The following CMTM8 variants were observed in gnomAD, a reference collection of about 807,000 sequenced individuals.
CMTM8 encodes CKLF like MARVEL transmembrane domain containing 8.
A neutral mutation model predicts 18.6 loss-of-function variants in CMTM8; 12 were observed. The ratio of observed to expected loss-of-function variants is 0.65; its 90% CI spans 0.41 to 1.05. CMTM8 has a LOEUF of 1.05. Ranked by LOEUF, CMTM8 falls within the 50% of genes least tolerant of loss-of-function variation. CMTM8 has a pLI of 0.00. For synonymous variants in CMTM8, 87 were observed against 90.6 expected (o/e 0.96, Z 0.23); for missense variants, 217 against 227.2 (o/e 0.95, Z 0.29).
chr3:32,342,937 G>A (rs1353629935), intron 1 of CMTM8, among the ~76,000 whole-genome samples: 1 of 152,196 alleles, frequency 6.6e-6, no homozygotes, highest in Non-Finnish European at 1.5e-5. Flanking sequence ...CTGAAGCTCA[G>A]GTTAGTAACT....
intron 1 of CMTM8, among the ~76,000 whole-genome samples, chr3:32,313,447 C>T (rs958847564): frequency 2.6e-5 from 4 of 152,124 alleles, no homozygotes; most frequent in Non-Finnish European, 4.4e-5. Context: ...GAACTACAGG[C>T]TCATGCCACT....
intron 1 of CMTM8, among the ~76,000 whole-genome samples, chr3:32,349,963 G>T (rs757328728): frequency 2.0e-5 from 3 of 152,014 alleles, no homozygotes; most frequent in Non-Finnish European, 2.9e-5. Context: ...AGCCAAGATC[G>T]CAGCACTGTA....
intron 1 of CMTM8, among the ~76,000 whole-genome samples, chr3:32,307,923 G>T (rs1265450687): frequency 2.0e-5 from 3 of 152,224 alleles, no homozygotes; most frequent in Non-Finnish European, 4.4e-5. Context: ...CATGTTCAAG[G>T]AGTGGGCAAA....
chr3:32,326,416 C>G (rs1696156990), intron 1 of CMTM8, among the ~76,000 whole-genome samples: 1 of 152,122 alleles, frequency 6.6e-6, no homozygotes, highest in South Asian at 2.1e-4. Flanking sequence ...AACTCTATGG[C>G]CTTTTACCCT....
chr3:32,322,010 A>G lies in CMTM8; in HGVS notation c.148-35363A>G, dbSNP rs2125578066. Among the ~76,000 whole-genome samples the G allele has an allele frequency of 2.0e-5, 3 of 152,344 alleles. No homozygotes were observed. The South Asian group carries it at 6.2e-4, about 32-fold the overall frequency. The stretch of plus-strand genomic sequence containing the variant: ...GTTAGCGCCACTGTCTGTCCTGTGA[A>G]GCCTAAACCGTTCATTATCTGGCCC... On this transcript the variant is annotated intron_variant, in intron 1 of 3. Coordinates refer to ENST00000307526, the MANE Select transcript of CMTM8 (RefSeq NM_178868.5).
chr3:32,320,132 G>T (rs529923001), intron 1 of CMTM8, among the ~76,000 whole-genome samples: 3 of 152,244 alleles, frequency 2.0e-5, no homozygotes, highest in Admixed American at 6.5e-5. Context: ...AGCGTATTTG[G>T]TTTAAGAGAA....
intron 1 of CMTM8, among the ~76,000 whole-genome samples, chr3:32,289,357 T>C (rs549796157): frequency 1.4e-3 from 212 of 152,330 alleles, no homozygotes; most frequent in African/African-American, 4.9e-3. Flanking sequence ...TGAACTCTGC[T>C]GTATACTCTA....
intron 1 of CMTM8, among the ~76,000 whole-genome samples, chr3:32,276,216 T>C (rs1466209331): frequency 6.6e-6 from 1 of 152,126 alleles, no homozygotes; most frequent in South Asian, 2.1e-4. Context: ...TCCTTCTCCT[T>C]CTGTTGTTCA....
At chr3:32,272,226 C>A (rs925906426) in intron 1 of CMTM8, among the ~76,000 whole-genome samples, 4 of 152,040 alleles carry the variant, frequency 2.6e-5, no homozygotes, top group Non-Finnish European at 5.9e-5. Context: ...TTAAATTTAG[C>A]TACTTTAGCT....
intron 1 of CMTM8, among the ~76,000 whole-genome samples, chr3:32,339,523 T>C (rs115261809): frequency 0.01 from 1,537 of 152,208 alleles, 27 homozygotes; most frequent in African/African-American, 0.036. Context: ...AAGGGCCAGC[T>C]CTCCATTCCC....
chr3:32,282,346 C>T (rs1208983407), intron 1 of CMTM8, among the ~76,000 whole-genome samples: 2 of 151,924 alleles, frequency 1.3e-5, no homozygotes, highest in African/African-American at 4.8e-5. Flanking sequence ...ATATATGTAC[C>T]ATATTTGGAT....
At chr3:32,344,398 T>C (rs947277374) in intron 1 of CMTM8, among the ~76,000 whole-genome samples, 1 of 152,224 alleles carries the variant, frequency 6.6e-6, no homozygotes, top group South Asian at 2.1e-4. Context: ...AGCCAACTTA[T>C]GTCCTATAGC....
chr3:32,298,852 T>TAC (rs1229919377), intron 1 of CMTM8, among the ~76,000 whole-genome samples: 224 of 140,072 alleles, frequency 1.6e-3, no homozygotes, highest in African/African-American at 5.3e-3. Context: ...TGTGTGTATA[T>TAC]ACACACACAC....
chr3:32,313,413 C>G (rs1010254223), intron 1 of CMTM8, among the ~76,000 whole-genome samples: 17 of 152,078 alleles, frequency 1.1e-4, no homozygotes, highest in African/African-American at 3.9e-4. Flanking sequence ...TAGCAGGCTC[C>G]CACCTCAGCC....
chr3:32,268,345 C>G (rs1373286355), intron 1 of CMTM8, among the ~76,000 whole-genome samples: 1 of 151,954 alleles, frequency 6.6e-6, no homozygotes, highest in Non-Finnish European at 1.5e-5. Flanking sequence ...CTCGCAAGGA[C>G]AAAAAACCAA....
intron 1 of CMTM8, among the ~76,000 whole-genome samples, chr3:32,262,540 G>A (rs1445363941): frequency 6.6e-6 from 1 of 152,146 alleles, no homozygotes; most frequent in East Asian, 1.9e-4. Context: ...TGTGATTTGT[G>A]GTGCTTCTAA....
intron 1 of CMTM8, among the ~76,000 whole-genome samples, chr3:32,289,327 T>C (rs926598114): frequency 3.2e-4 from 48 of 152,336 alleles, no homozygotes; most frequent in African/African-American, 9.4e-4. Context: ...AAACTGTCTT[T>C]TGGGCCTCAA....
In CMTM8 at chr3:32,270,763, T is replaced by C. The variant is rs13323031; in HGVS notation, c.147+31644T>C. Among the ~76,000 whole-genome samples, 1,129 of 152,190 alleles carry C rather than the reference T, an allele frequency of 7.4e-3. 16 individuals are homozygous for C. Among genetic ancestry groups the C allele is most frequent in the African/African-American group, 0.026 (1,092 of 41,510 alleles). ...GAGGGATAGCATTAGGAGATATACC[T>C]GATGTAAATGACGAGTTAATGGGTG... On this transcript the variant is annotated intron_variant, in intron 1 of 3. Coordinates refer to ENST00000307526, the MANE Select transcript of CMTM8 (RefSeq NM_178868.5).
At chr3:32,279,263 G>T (rs1169860810) in intron 1 of CMTM8, among the ~76,000 whole-genome samples, 2 of 145,106 alleles carry the variant, frequency 1.4e-5, no homozygotes, top group Admixed American at 1.4e-4. Flanking sequence ...GTGCCATGCT[G>T]GTGCGCTGCA....
Sources: allele counts gnomAD v4.1 joint callset (sites outside exome capture counted in the v4.1 genomes callset), GRCh38; gene constraint gnomAD v4.1.1; transcripts MANE v1.5; gene names NCBI Gene and HGNC (gene_info 2026-07-23, HGNC 2026-07-21).